TGFA: variants seen among roughly 807,000 people sequenced by gnomAD.
The protein encoded by TGFA is protransforming growth factor alpha.
In TGFA, 12 loss-of-function variants were observed where a neutral mutation model predicts 21.7. The ratio of observed to expected loss-of-function variants is 0.55; its 90% CI spans 0.35 to 0.90. The LOEUF (loss-of-function observed/expected upper bound fraction) is 0.90. TGFA is among the 40% of genes least tolerant of loss of function. The pLI, the probability that TGFA is intolerant of heterozygous loss-of-function variation, is 0.01. For synonymous variants in TGFA, 79 were observed against 88.1 expected (o/e 0.90, Z 0.58); for missense variants, 178 against 210.8 (o/e 0.84, Z 0.96).
chr2:70,504,151 T>C (rs1384909048), intron 2 of TGFA, among the ~76,000 whole-genome samples: 1 of 151,952 alleles, frequency 6.6e-6, no homozygotes, highest in Non-Finnish European at 1.5e-5. Flanking sequence ...CGGGGACTCA[T>C]GCCTGTAATC....
intron 5 of TGFA, among the ~76,000 whole-genome samples, chr2:70,451,124 G>C (rs994582515): frequency 1.6e-4 from 25 of 152,288 alleles, no homozygotes; most frequent in African/African-American, 4.1e-4. Flanking sequence ...GAAGGCAGAT[G>C]GGGGGGAGCG....
chr2:70,464,595 G>C (rs1377556622), intron 3 of TGFA, among the ~76,000 whole-genome samples: 4 of 152,120 alleles, frequency 2.6e-5, no homozygotes, highest in African/African-American at 9.7e-5. Flanking sequence ...CAGTATACAG[G>C]TCAGTTTCCA....
At chr2:70,506,452 G>A (rs1671929936) in intron 2 of TGFA, among the ~76,000 whole-genome samples, 1 of 152,158 alleles carries the variant, frequency 6.6e-6, no homozygotes, top group Admixed American at 6.5e-5. Flanking sequence ...TAAGGGCCTA[G>A]GAATCTGCAT....
chr2:70,495,039 C>T (rs1671539439), intron 2 of TGFA, among the ~76,000 whole-genome samples: 1 of 152,220 alleles, frequency 6.6e-6, no homozygotes, highest in Admixed American at 6.5e-5. Flanking sequence ...TAAATATCCA[C>T]TTATTTCCTT....
In TGFA at chr2:70,516,165, C is replaced by T. The variant is rs112755209; in HGVS notation, c.41-1253G>A. On this transcript the variant is annotated intron_variant, in intron 1 of 5. Transcript: ENST00000295400. ...TTAGAATGACTTCCCAAAACTGAAA[C>T]GCAAAAAGATGCCACAGTTGCTGTG... 3.9e-3 allele frequency among the ~76,000 whole-genome samples: 600 copies of T among 152,302 alleles called. 4 individuals carry two copies. The highest frequency in any genetic ancestry group is 0.014 in the African/African-American group (575 of 41,566).
chr2:70,477,870 C>T (rs1317170087), intron 2 of TGFA, among the ~76,000 whole-genome samples: 2 of 152,198 alleles, frequency 1.3e-5, no homozygotes, highest in African/African-American at 4.8e-5. Context: ...TTATCTGTTA[C>T]AGCAGGGAGT....
At chr2:70,518,887 A>C (rs1553501924) in intron 1 of TGFA, among the ~76,000 whole-genome samples, 1 of 152,202 alleles carries the variant, frequency 6.6e-6, no homozygotes, top group Non-Finnish European at 1.5e-5. Flanking sequence ...TGCATGGATC[A>C]GTTGCTCCCT....
intron 1 of TGFA, among the ~76,000 whole-genome samples, chr2:70,521,423 A>G (rs567052182): frequency 6.6e-6 from 1 of 152,154 alleles, no homozygotes; most frequent in South Asian, 2.1e-4. Flanking sequence ...ATGGCTGCTG[A>G]CTTTAGTTTA....
chr2:70,497,130 G>A (rs1559119995), intron 2 of TGFA, among the ~76,000 whole-genome samples: 1 of 152,208 alleles, frequency 6.6e-6, no homozygotes, highest in Non-Finnish European at 1.5e-5. Flanking sequence ...AGGAGACCAG[G>A]GAACCGGAGC....
At chr2:70,533,903 G>T (rs1672895160) in intron 1 of TGFA, among the ~76,000 whole-genome samples, 1 of 151,558 alleles carries the variant, frequency 6.6e-6, no homozygotes, top group African/African-American at 2.4e-5. Flanking sequence ...TCATTGCAAA[G>T]AAGTCTGTCT....
At chr2:70,533,422 C>T (rs1672876740) in intron 1 of TGFA, among the ~76,000 whole-genome samples, 1 of 151,970 alleles carries the variant, frequency 6.6e-6, no homozygotes, top group African/African-American at 2.4e-5. Flanking sequence ...ATTAGCTGAC[C>T]CAGATGAAGA....
intron 1 of TGFA, among the ~76,000 whole-genome samples, chr2:70,533,206 T>C (rs985698897): frequency 1.3e-5 from 2 of 152,198 alleles, no homozygotes; most frequent in Non-Finnish European, 2.9e-5. Context: ...TTCCTTGTTA[T>C]CACTCACTGG....
intron 2 of TGFA, among the ~76,000 whole-genome samples, chr2:70,480,536 T>C (rs1196590913): frequency 3.3e-5 from 5 of 152,046 alleles, no homozygotes; most frequent in Non-Finnish European, 7.4e-5. Flanking sequence ...AAACGTGGTA[T>C]GCTGTAGTGT....
intron 2 of TGFA, among the ~76,000 whole-genome samples, chr2:70,476,162 C>A: frequency 6.6e-6 from 1 of 151,770 alleles, no homozygotes; most frequent in East Asian, 1.9e-4. Context: ...TAAGCCTCCC[C>A]CTTTTCTTTT....
At chr2:70,518,215 T>C (rs1331657626) in intron 1 of TGFA, among the ~76,000 whole-genome samples, 2 of 152,210 alleles carry the variant, frequency 1.3e-5, no homozygotes, top group African/African-American at 4.8e-5. Flanking sequence ...GAATCCCTTC[T>C]AGGCCACTCC....
At chr2:70,535,302 AG>A (rs1672940251) in intron 1 of TGFA, among the ~76,000 whole-genome samples, 1 of 152,174 alleles carries the variant, frequency 6.6e-6, no homozygotes, top group African/African-American at 2.4e-5. Flanking sequence ...TCAGGAGCTG[AG>A]GGCAAGGGCT....
At position 70,465,839 on chromosome 2, in the gene TGFA, G is replaced by A. The variant is rs1026364822; in HGVS notation, c.95-103C>T. 5.9e-6 allele frequency: 9 copies of A among 1,525,874 alleles called. No individual in the cohort carries two copies. The Admixed American group carries it at 1.5e-4, about 26-fold the overall frequency. The allele number at this position is 1,525,874 out of a possible 1,614,324, so 94.5% of individuals were successfully genotyped here. On this transcript the variant is annotated intron_variant, in intron 2 of 5. Coordinates refer to ENST00000295400, the MANE Select transcript of TGFA (RefSeq NM_003236.4). ...AAGAAGGTGGAGCCCCTGATGGCTG[G>A]GACTTTGGGTTCTCACCTGGGGCAC...
chr2:70,534,540 A>C (rs1263401722), intron 1 of TGFA, among the ~76,000 whole-genome samples: 1 of 152,190 alleles, frequency 6.6e-6, no homozygotes, highest in African/African-American at 2.4e-5. Flanking sequence ...CCTTTAAAAA[A>C]AATTTATGGT....
At chr2:70,456,882 T>G (rs1670249046) in intron 3 of TGFA, among the ~76,000 whole-genome samples, 1 of 152,244 alleles carries the variant, frequency 6.6e-6, no homozygotes, top group Admixed American at 6.5e-5. Context: ...TTTCTGGTGA[T>G]GAGAAAGAAA....
Sources: allele counts gnomAD v4.1 joint callset (sites outside exome capture counted in the v4.1 genomes callset), GRCh38; gene constraint gnomAD v4.1.1; transcripts MANE v1.5; gene names NCBI Gene and HGNC (gene_info 2026-07-23, HGNC 2026-07-21).